Variants in POGLUT2 observed in about 807,000 individuals in gnomAD.
POGLUT2 encodes protein O-glucosyltransferase 2.
A neutral mutation model predicts 57.6 loss-of-function variants in POGLUT2; 47 were observed. That is an observed-to-expected ratio of 0.82 (90% confidence interval 0.65 to 1.04). The LOEUF is 1.04. Among genes scored for constraint, POGLUT2 ranks in the 50% least tolerant of loss-of-function variants. The pLI, the probability that POGLUT2 is intolerant of heterozygous loss-of-function variation, is 0.00. For missense variants in POGLUT2, 565 were observed against 614.8 expected, an observed-to-expected ratio of 0.92 and a Z score of 0.86; for synonymous variants, 200 against 218.8, an observed-to-expected ratio of 0.91 and a Z score of 0.76.
chr13:102,785,169 G>C (rs1450449293), intron 9 of POGLUT2, among the ~76,000 whole-genome samples: 2 of 152,170 alleles, frequency 1.3e-5, no homozygotes, highest in African/African-American at 4.8e-5. Flanking sequence ...TTTGTAGCAT[G>C]TGCTGATTGT....
At position 102,791,431 on chromosome 13, in the gene POGLUT2, C is replaced by T; in HGVS notation, c.673-1G>A. ...AGAGCTCCACATCTGGCATCTTCAC[C>T]TAGAAAAAACAAAACGAGGAGCTTA... On this transcript the variant is annotated splice_acceptor_variant, in intron 4 of 9. Coordinates refer to ENST00000376004, the MANE Select transcript of POGLUT2 (RefSeq NM_024089.3). LOFTEE classifies it high-confidence loss of function. 2 of 1,577,988 alleles carry T rather than the reference C, an allele frequency of 1.3e-6. No individual in the cohort carries two copies. The highest frequency in any genetic ancestry group is 2.2e-5 in the East Asian group (1 of 44,738).
At chr13:102,792,936 A>G (rs1443108606) in intron 4 of POGLUT2, among the ~76,000 whole-genome samples, 1 of 151,976 alleles carries the variant, frequency 6.6e-6, no homozygotes, top group Non-Finnish European at 1.5e-5. Context: ...AAACTACTAC[A>G]GGCTAATTTT....
At position 102,793,763 on chromosome 13, in the gene POGLUT2, A is replaced by G. The variant is rs1878273552; in HGVS notation, c.432T>C (p.Ser144=). The G allele has an allele frequency of 1.9e-6, 3 of 1,614,128 alleles. No homozygotes were observed. The highest frequency in any genetic ancestry group is 2.5e-6 in the Non-Finnish European group (3 of 1,180,056). The change falls in exon 3 of 10, where the codon AGT becomes AGC. Residue 144 remains serine, a synonymous_variant. Transcript: ENST00000376004. ...AGTTCATCTCCCGTAGCCAGGCTGCACTATCTTGCAGAGGACAGTCACAGT... is the reference window on the plus strand; with the variant it reads ...AGTTCATCTCCCGTAGCCAGGCTGCGCTATCTTGCAGAGGACAGTCACAGT... ...HENCDCPLQD[S]AAWLREMNCP...
chr13:102,795,250 CAAAAA>C (rs58015405), intron 2 of POGLUT2, among the ~76,000 whole-genome samples: 3 of 42,660 alleles, frequency 7.0e-5, no homozygotes, highest in Admixed American at 2.3e-4. Flanking sequence ...GACATCGTCT[CAAAAA>C]AAAAAAAAAA....
intron 2 of POGLUT2, among the ~76,000 whole-genome samples, chr13:102,796,205 T>C (rs1444420502): frequency 2.0e-5 from 3 of 149,230 alleles, no homozygotes; most frequent in Non-Finnish European, 4.4e-5. Context: ...TAAGGCAGGA[T>C]AATCGCTTGA....
chr13:102,798,870 C>G lies in POGLUT2; in HGVS notation c.-200G>C, dbSNP rs1878562238. 4.0e-6 allele frequency: 2 copies of G among 498,258 alleles called. No homozygotes were observed. The highest frequency in any genetic ancestry group is 7.0e-6 in the Non-Finnish European group (2 of 287,076). 30.9% of individuals were successfully genotyped at this position (498,258 alleles called of 1,614,324 possible). A position where few individuals can be genotyped will look rare whatever the true frequency, so the allele number is the denominator to read the frequency against. ...ATCAAAGCCCGTGCCCCGGCGCGCCCAGGTGAGGGTCCCCTGGCGTTCTGC... is the reference window on the plus strand; with the variant it reads ...ATCAAAGCCCGTGCCCCGGCGCGCCGAGGTGAGGGTCCCCTGGCGTTCTGC... On this transcript the variant is annotated 5_prime_UTR_variant, in exon 1 of 10. Coordinates refer to ENST00000376004, the MANE Select transcript of POGLUT2 (RefSeq NM_024089.3).
At position 102,786,212 on chromosome 13, in the gene POGLUT2, A is replaced by G; in HGVS notation, c.1491+20T>C. On this transcript the variant is annotated intron_variant, in intron 9 of 9. Coordinates refer to ENST00000376004, the MANE Select transcript of POGLUT2 (RefSeq NM_024089.3). ...GTTAGTTTTTACTCTGACACCGGCC[A>G]TAAGCTCAGTTCTGGTTACCTTTTT... The G allele has an allele frequency of 6.7e-7, 1 of 1,502,678 alleles. No homozygotes were observed. The highest frequency in any genetic ancestry group is 9.3e-7 in the Non-Finnish European group (1 of 1,079,092). 93.1% of individuals were successfully genotyped at this position (1,502,678 alleles called of 1,614,324 possible). A position where few individuals can be genotyped will look rare whatever the true frequency, so the allele number is the denominator to read the frequency against.
At chr13:102,796,309 A>T (rs199753498) in intron 2 of POGLUT2, among the ~76,000 whole-genome samples, 18,435 of 125,404 alleles carry the variant, frequency 0.15, 1,582 homozygotes, top group East Asian at 0.22. Context: ...AAAAAAAAAA[A>T]AAATAAATAA....
chr13:102,798,835 C>T lies in POGLUT2; in HGVS notation c.-165G>A. Reference sequence around the variant, plus strand: ...AGGGCAGGCGCGCGGGTCTCCGCGACCCCAGGACAATCAAAGCCCGTGCCC... The same window carrying T: ...AGGGCAGGCGCGCGGGTCTCCGCGATCCCAGGACAATCAAAGCCCGTGCCC... On this transcript the variant is annotated 5_prime_UTR_variant, in exon 1 of 10. Coordinates refer to ENST00000376004, the MANE Select transcript of POGLUT2 (RefSeq NM_024089.3). 1 of 636,660 alleles carries T rather than the reference C, an allele frequency of 1.6e-6. No homozygotes were observed. Among genetic ancestry groups the T allele is most frequent in the Non-Finnish European group, 2.5e-6 (1 of 396,716 alleles). The allele number at this position is 636,660 out of a possible 1,614,324, so 39.4% of individuals were successfully genotyped here.
Position 102,787,820 on chromosome 13 carries a change from T to C in POGLUT2, c.1383+14A>G, listed in dbSNP as rs1256693495. 1 of 1,442,058 alleles carries C rather than the reference T, an allele frequency of 6.9e-7. No individual in the cohort carries two copies. The allele number at this position is 1,442,058 out of a possible 1,614,324, so 89.3% of individuals were successfully genotyped here. A position where few individuals can be genotyped will look rare whatever the true frequency, so the allele number is the denominator to read the frequency against. The stretch of plus-strand genomic sequence containing the variant: ...CTTATAAGTTACGTGATGATTTTCT[T>C]GGAAAATACTGACCTGGAAAAGTTT... On this transcript the variant is annotated intron_variant, in intron 8 of 9. Coordinates refer to ENST00000376004, the MANE Select transcript of POGLUT2 (RefSeq NM_024089.3).
In POGLUT2 at chr13:102,798,802, CGGCG is replaced by C; in HGVS notation, c.-136_-133del. ...CAACGCGACTGCAAAGGTTGCCGCC[CGGCG>C]TGCAGGGCAGGCGCGCGGGTCTCCG... On this transcript the variant is annotated 5_prime_UTR_variant, in exon 1 of 10. Coordinates refer to ENST00000376004, the MANE Select transcript of POGLUT2 (RefSeq NM_024089.3). The C allele has an allele frequency of 1.0e-6, 1 of 964,794 alleles. No homozygotes were observed. Among genetic ancestry groups the C allele is most frequent in the Non-Finnish European group, 1.5e-6 (1 of 677,690 alleles). The allele number at this position is 964,794 out of a possible 1,614,324, so 59.8% of individuals were successfully genotyped here. A position where few individuals can be genotyped will look rare whatever the true frequency, so the allele number is the denominator to read the frequency against.
In POGLUT2 at chr13:102,796,815, T is replaced by C. The variant is rs1404530337; in HGVS notation, c.377A>G (p.Tyr126Cys). The C allele has an allele frequency of 1.9e-6, 3 of 1,561,362 alleles. No homozygotes were observed. Among genetic ancestry groups the C allele is most frequent in the East Asian group, 4.5e-5 (2 of 44,474 alleles). ...FQGQHVAKSP[Y>C]ILKGPVYHEN... Reference sequence around the variant, plus strand: ...ATATTCCAAATTACCTTTTAAAATATATGGGGATTTGGCCACATGTTGCCC... The same window carrying C: ...ATATTCCAAATTACCTTTTAAAATACATGGGGATTTGGCCACATGTTGCCC... Residue 126 changes from tyrosine (Y) to cysteine (C), a missense_variant, in exon 2 of 10, where the codon TAT becomes TGT. By Grantham distance (194) the Tyr-to-Cys change is radical. Coordinates refer to ENST00000376004, the MANE Select transcript of POGLUT2 (RefSeq NM_024089.3).
At position 102,798,740 on chromosome 13, in the gene POGLUT2, A is replaced by T. The variant is rs932001716; in HGVS notation, c.-70T>A. On this transcript the variant is annotated 5_prime_UTR_variant, in exon 1 of 10. Coordinates refer to ENST00000376004, the MANE Select transcript of POGLUT2 (RefSeq NM_024089.3). Reference sequence around the variant, plus strand: ...TGTAAGAGGTGGACAGAAGCAGCCGAGCCTTCGGCAGGGACCCGCCGGCCG... The same window carrying T: ...TGTAAGAGGTGGACAGAAGCAGCCGTGCCTTCGGCAGGGACCCGCCGGCCG... 3.5e-6 allele frequency: 5 copies of T among 1,412,640 alleles called. No homozygotes were observed. Among genetic ancestry groups the T allele is most frequent in the Admixed American group, 2.6e-5 (1 of 37,826 alleles). 87.5% of individuals were successfully genotyped at this position (1,412,640 alleles called of 1,614,324 possible).
chr13:102,798,188 T>G (rs1423061222), intron 1 of POGLUT2, among the ~76,000 whole-genome samples: 2 of 152,184 alleles, frequency 1.3e-5, no homozygotes, highest in Non-Finnish European at 2.9e-5. Context: ...TTATAATAGC[T>G]TATGCGAAAA....
chr13:102,788,038 T>C, intron 7 of POGLUT2, 115 bp from the exon 8 acceptor site: 1 of 571,314 alleles, frequency 1.8e-6, no homozygotes, highest in Non-Finnish European at 3.2e-6. Flanking sequence ...AAATAATATC[T>C]TTGGGGGTAG....
intron 4 of POGLUT2, chr13:102,792,274 A>T (rs956964101): frequency 3.0e-5 from 6 of 202,738 alleles, no homozygotes; most frequent in Non-Finnish European, 8.7e-6. Flanking sequence ...ATAAATATAC[A>T]TTTGGTAAAA....
chr13:102,796,899 A>G lies in POGLUT2; in HGVS notation c.293T>C (p.Ile98Thr), dbSNP rs1467576626. The change falls in exon 2 of 10, where the codon ATA (isoleucine) becomes ACA (threonine). Residue 98 changes from isoleucine to threonine, a missense_variant. Transcript: ENST00000376004. The stretch of plus-strand genomic sequence containing the variant: ...GCTTGCATACATTCTGTATCTTACT[A>G]TGAAGGACCCATCTTTTCGGTCTAA... The part of the protein sequence containing the change: ...QVLDRKDGSF[I>T]VRYRMYASYK... The G allele has an allele frequency of 1.2e-6, 2 of 1,610,970 alleles. No homozygotes were observed. The highest frequency in any genetic ancestry group is 1.3e-5 in the African/African-American group (1 of 74,790).
In POGLUT2 at chr13:102,784,289, A is replaced by G. The variant is rs1436033449; in HGVS notation, c.*206T>C. Reference sequence around the variant, plus strand: ...TAATTAGCACAACGTAGTCCTTTAAAATAAAGGTGGTTTTATTATAAAATT... The same window carrying G: ...TAATTAGCACAACGTAGTCCTTTAAGATAAAGGTGGTTTTATTATAAAATT... On this transcript the variant is annotated 3_prime_UTR_variant, in exon 10 of 10. Coordinates refer to ENST00000376004, the MANE Select transcript of POGLUT2 (RefSeq NM_024089.3). The G allele has an allele frequency of 2.2e-6, 1 of 456,764 alleles. No homozygotes were observed. Among genetic ancestry groups the G allele is most frequent in the Non-Finnish European group, 4.0e-6 (1 of 250,660 alleles). 28.3% of individuals were successfully genotyped at this position (456,764 alleles called of 1,614,324 possible). A position where few individuals can be genotyped will look rare whatever the true frequency, so the allele number is the denominator to read the frequency against.
At position 102,793,417 on chromosome 13, in the gene POGLUT2, AC is replaced by A; in HGVS notation, c.595del (p.Val199PhefsTer10). 13 of 1,574,368 alleles carry A rather than the reference AC, an allele frequency of 8.3e-6. No individual in the cohort carries two copies. The highest frequency in any genetic ancestry group is 1.1e-5 in the Non-Finnish European group (13 of 1,146,212). On this transcript the variant is annotated frameshift_variant and splice_region_variant, in exon 4 of 10. Transcript: ENST00000376004. LOFTEE classifies it high-confidence loss of function. ...LCHYTLKDNKVYIKTHGEHVG... is the reference protein window; with the variant it reads ...LCHYTLKDNKXYIKTHGEHVG... The stretch of plus-strand genomic sequence containing the variant: ...ATGTTCACCATGAGTCTTGATATAA[AC>A]CTAAAAGAGAATTTACCATTTATTA...
Sources: allele counts gnomAD v4.1 joint callset (sites outside exome capture counted in the v4.1 genomes callset), GRCh38; gene constraint gnomAD v4.1.1; transcripts MANE v1.5; gene names NCBI Gene and HGNC (gene_info 2026-07-23, HGNC 2026-07-21).